The following ENTPD1 variants were observed in gnomAD, a reference collection of about 807,000 sequenced individuals.
ENTPD1 encodes ectonucleoside triphosphate diphosphohydrolase 1.
In ENTPD1, 33 loss-of-function variants were observed where a neutral mutation model predicts 57.0. That is an observed-to-expected ratio of 0.58 (90% CI 0.44 to 0.77). The LOEUF (loss-of-function observed/expected upper bound fraction) is 0.77, where lower values mean the gene tolerates loss of function less well. ENTPD1 is among the 30% of genes least tolerant of loss of function. The pLI is 0.00. For synonymous variants in ENTPD1, 202 were observed against 218.8 expected (o/e 0.92, Z 0.68); for missense variants, 501 against 603.4 (o/e 0.83, Z 1.78).
At chr10:95,761,797 T>C (rs1277481314) in intron 1 of ENTPD1, among the ~76,000 whole-genome samples, 1 of 152,226 alleles carries the variant, frequency 6.6e-6, no homozygotes, top group Non-Finnish European at 1.5e-5. Flanking sequence ...TGAGAAGTAC[T>C]GGAGCAGAAT....
chr10:95,823,170 G>T, intron 1 of ENTPD1, 67 bp from the exon 2 acceptor site: 1 of 1,603,864 alleles, frequency 6.2e-7, no homozygotes, highest in Middle Eastern at 1.7e-4. Context: ...AGACCAGACA[G>T]AAAGGGGAGG....
rs369032103 is a variant in ENTPD1, at chr10:95,740,505, A to T, written c.37+28512A>T. Among the ~76,000 whole-genome samples the T allele has an allele frequency of 3.0e-4, 46 of 152,340 alleles. No homozygotes were observed. In the East Asian group the frequency reaches 6.9e-3, roughly 23 times the overall value. On this transcript the variant is annotated intron_variant, in intron 1 of 9. Transcript: ENST00000453258. Reference sequence around the variant, plus strand: ...GCTTTAACTTAAAGTCACCAGCTTCATTAGGCCCTAACAAGAGAGTCATCC... The same window carrying T: ...GCTTTAACTTAAAGTCACCAGCTTCTTTAGGCCCTAACAAGAGAGTCATCC...
At chr10:95,704,428 C>A in the ENTPD1 span, among the ~76,000 whole-genome samples, 2 of 152,050 alleles carry the variant, frequency 1.3e-5, no homozygotes, top group African/African-American at 4.8e-5. Flanking sequence ...AAAATGGTAT[C>A]GCTTTGGCTC....
chr10:95,768,250 T>A (rs2098098607), intron 1 of ENTPD1, among the ~76,000 whole-genome samples: 1 of 152,242 alleles, frequency 6.6e-6, no homozygotes, highest in Non-Finnish European at 1.5e-5. Context: ...ATAGACTTCC[T>A]TTCAAAAATT....
rs188295734 is a variant in ENTPD1 at position 95,830,687 on chromosome 10, C to A, written c.144+7323C>A. Among the ~76,000 whole-genome samples, 504 of 152,094 alleles carry A rather than the reference C, an allele frequency of 3.3e-3. 2 individuals are homozygous for A. Among genetic ancestry groups the A allele is most frequent in the African/African-American group, 0.012 (477 of 41,464 alleles). ...GCATGTTGTCAGGTACCTGTAATCC[C>A]AGCTACTCGGGAGGCTGAGGCAGGA... is the stretch of plus-strand genomic sequence containing the variant. On this transcript the variant is annotated intron_variant, in intron 2 of 9. Transcript: ENST00000371205.
chr10:95,773,220 C>T (rs1354040469), intron 1 of ENTPD1, among the ~76,000 whole-genome samples: 1 of 152,174 alleles, frequency 6.6e-6, no homozygotes, highest in Non-Finnish European at 1.5e-5. Context: ...TTTGGCCCCA[C>T]CTCTAACACT....
chr10:95,700,864 C>T, the ENTPD1 span, among the ~76,000 whole-genome samples: 103 of 151,382 alleles, frequency 6.8e-4, no homozygotes, highest in African/African-American at 2.2e-3. Flanking sequence ...ATGATCTCGG[C>T]TCACTGCAGC....
intron 7 of ENTPD1, among the ~76,000 whole-genome samples, chr10:95,852,039 C>T (rs1020750823): frequency 3.3e-5 from 5 of 152,140 alleles, no homozygotes; most frequent in African/African-American, 1.2e-4. Flanking sequence ...AGTTTACAGT[C>T]CCACCAACAG....
intron 2 of ENTPD1, among the ~76,000 whole-genome samples, chr10:95,839,070 TAAAAC>T (rs1305848265): frequency 6.6e-6 from 1 of 152,214 alleles, no homozygotes; most frequent in Non-Finnish European, 1.5e-5. Flanking sequence ...CACCTCTCCT[TAAAAC>T]AAACTCTGCA....
intron 1 of ENTPD1, among the ~76,000 whole-genome samples, chr10:95,806,469 C>T (rs890835497): frequency 2.0e-5 from 3 of 152,138 alleles, no homozygotes; most frequent in Non-Finnish European, 4.4e-5. Context: ...TATTACTAAC[C>T]TTCTGAAGCC....
the ENTPD1 span, among the ~76,000 whole-genome samples, chr10:95,701,930 C>T: frequency 6.6e-6 from 1 of 151,844 alleles, no homozygotes; most frequent in African/African-American, 2.4e-5. Context: ...ACTTAGAGAA[C>T]TTTTATATTT....
intron 1 of ENTPD1, among the ~76,000 whole-genome samples, chr10:95,793,274 T>A (rs1356263936): frequency 6.6e-6 from 1 of 152,192 alleles, no homozygotes; most frequent in South Asian, 2.1e-4. Flanking sequence ...ACGGGAGGCA[T>A]GCTGCCCCTA....
intron 2 of ENTPD1, among the ~76,000 whole-genome samples, chr10:95,830,877 T>G (rs1345049750): frequency 6.6e-6 from 1 of 152,202 alleles, no homozygotes; most frequent in African/African-American, 2.4e-5. Context: ...TAGTTTTGAT[T>G]GAAGACCACT....
At chr10:95,832,409 T>G (rs2098399233) in intron 2 of ENTPD1, among the ~76,000 whole-genome samples, 1 of 152,144 alleles carries the variant, frequency 6.6e-6, no homozygotes, top group Admixed American at 6.5e-5. Context: ...ATAGCCTTAA[T>G]GAACTGAAGA....
chr10:95,694,945 G>C, the ENTPD1 span, among the ~76,000 whole-genome samples: 1 of 137,764 alleles, frequency 7.3e-6, no homozygotes, highest in East Asian at 2.2e-4. Context: ...CTGTCGCTCA[G>C]GCTGGAGTGC....
chr10:95,736,493 C>A (rs912713519), intron 1 of ENTPD1, among the ~76,000 whole-genome samples: 1 of 152,070 alleles, frequency 6.6e-6, no homozygotes, highest in African/African-American at 2.4e-5. Context: ...TCCTTTCCCA[C>A]CCCTCCAGCC....
chr10:95,864,692 C>G (rs767315127), intron 8 of ENTPD1, 32 bp from the exon 9 acceptor site: 1 of 1,613,822 alleles, frequency 6.2e-7, no homozygotes, highest in Non-Finnish European at 8.5e-7. Context: ...GCCTATCATA[C>G]GAGTATGATC....
intron 1 of ENTPD1, among the ~76,000 whole-genome samples, chr10:95,733,854 AT>A (rs2139856616): frequency 6.6e-6 from 1 of 152,332 alleles, no homozygotes; most frequent in Non-Finnish European, 1.5e-5. Context: ...TGTCAAAATT[AT>A]GCAAGCTTCC....
At chr10:95,764,774 G>A (rs1214402636) in intron 1 of ENTPD1, among the ~76,000 whole-genome samples, 2 of 142,516 alleles carry the variant, frequency 1.4e-5, no homozygotes, top group East Asian at 4.1e-4. Context: ...CCAGGCTGGA[G>A]TGTGATGGCG....
Sources: allele counts gnomAD v4.1 joint callset (sites outside exome capture counted in the v4.1 genomes callset), GRCh38; gene constraint gnomAD v4.1.1; transcripts MANE v1.5; gene names NCBI Gene and HGNC (gene_info 2026-07-23, HGNC 2026-07-21).